The following DNAH11 variants were observed in gnomAD, a reference collection of about 807,000 sequenced individuals.
DNAH11 encodes dynein axonemal heavy chain 11, also known as axonemal beta dynein heavy chain 11.
A neutral mutation model predicts 526.0 loss-of-function variants in DNAH11; 442 were observed. The observed-to-expected ratio is 0.84, with a 90% CI of 0.78 to 0.91. The LOEUF is 0.91. DNAH11 is among the 40% of genes least tolerant of loss of function. The pLI is 0.00. For missense variants in DNAH11, 6,989 were observed against 5,448.7 expected (o/e 1.28, Z -8.90); for synonymous variants, 2,461 against 1,935.9 (o/e 1.27, Z -7.12).
At chr7:21,838,894 C>T (rs898143582) in intron 65 of DNAH11, among the ~76,000 whole-genome samples, 3 of 152,056 alleles carry the variant, frequency 2.0e-5, no homozygotes, top group Non-Finnish European at 4.4e-5. Flanking sequence ...CCACACCATG[C>T]TAATTTTAAG....
In DNAH11 at chr7:21,600,031, A is replaced by T; in HGVS notation, c.2912A>T (p.Asp971Val). Reference protein sequence around the residue: ...LDREAGDGFYDLVEEMLCNSF... With the variant: ...LDREAGDGFYVLVEEMLCNSF... ...AGAGAGGCTGGGGATGGCTTCTATGATCTTGTAGAAGAAATGTTATGCAAT... is the reference window on the plus strand; with the variant it reads ...AGAGAGGCTGGGGATGGCTTCTATGTTCTTGTAGAAGAAATGTTATGCAAT... Residue 971 changes from aspartate to valine, a missense_variant, in exon 15 of 82, where the codon GAT becomes GTT. Coordinates refer to ENST00000409508, the MANE Select transcript of DNAH11 (RefSeq NM_001277115.2). 3 of 1,612,248 alleles carry T rather than the reference A, an allele frequency of 1.9e-6. No individual in the cohort carries two copies. Among genetic ancestry groups the T allele is most frequent in the Non-Finnish European group, 2.5e-6 (3 of 1,178,918 alleles).
intron 80 of DNAH11, 35 bp downstream of exon 80, chr7:21,899,483 C>A: frequency 6.7e-7 from 1 of 1,496,868 alleles, no homozygotes; most frequent in Non-Finnish European, 9.3e-7. Context: ...CTGATGCACA[C>A]AGGACCACAG....
chr7:21,901,469 G>A lies in DNAH11; in HGVS notation c.*215G>A. 1.9e-6 allele frequency: 1 copy of A among 531,042 alleles called. No homozygotes were observed. The highest frequency in any genetic ancestry group is 2.8e-6 in the Non-Finnish European group (1 of 359,322). The allele number at this position is 531,042 out of a possible 1,614,324, so 32.9% of individuals were successfully genotyped here. On this transcript the variant is annotated 3_prime_UTR_variant, in exon 82 of 82. Coordinates refer to ENST00000409508, the MANE Select transcript of DNAH11 (RefSeq NM_001277115.2). ...ACACGACTGTAATCCCAGTTACTCAGGAGGTAGGAGAATCACTTGAACCTA... is the reference window on the plus strand; with the variant it reads ...ACACGACTGTAATCCCAGTTACTCAAGAGGTAGGAGAATCACTTGAACCTA...
At chr7:21,825,417 A>G (rs1168320610) in intron 65 of DNAH11, among the ~76,000 whole-genome samples, 1 of 152,214 alleles carries the variant, frequency 6.6e-6, no homozygotes, top group African/African-American at 2.4e-5. Flanking sequence ...CTTATGCACA[A>G]TCAACTTTAA....
intron 76 of DNAH11, among the ~76,000 whole-genome samples, chr7:21,887,987 A>G (rs189371317): frequency 4.5e-4 from 69 of 152,244 alleles, no homozygotes; most frequent in Non-Finnish European, 8.1e-4. Context: ...CACCAAAACA[A>G]TGACTCGTAT....
intron 74 of DNAH11, among the ~76,000 whole-genome samples, chr7:21,873,854 G>T (rs1268019647): frequency 7.9e-6 from 1 of 125,876 alleles, no homozygotes; most frequent in African/African-American, 3.0e-5. Flanking sequence ...GCAGTGGCAT[G>T]ATCTTGCCTC....
chr7:21,681,441 A>G (rs562479041), intron 30 of DNAH11, 105 bp from the exon 31 acceptor site: 14 of 1,271,298 alleles, frequency 1.1e-5, no homozygotes, highest in Admixed American at 2.6e-5. Flanking sequence ...AAAAAAAGAA[A>G]TTGTTTTGCA....
intron 62 of DNAH11, among the ~76,000 whole-genome samples, chr7:21,804,523 A>G (rs998678146): frequency 5.9e-5 from 9 of 152,050 alleles, no homozygotes; most frequent in East Asian, 1.9e-4. Context: ...CTCATAATTC[A>G]CCCTGCAAAT....
chr7:21,867,831 C>G (rs747411334), intron 71 of DNAH11, 28 bp from the exon 72 acceptor site: 2 of 1,492,872 alleles, frequency 1.3e-6, no homozygotes, highest in South Asian at 1.2e-5. Context: ...AACCACTGAT[C>G]ATGTTTTTAT....
Position 21,798,478 on chromosome 7 carries a change from G to T in DNAH11, c.10027-2659G>T, listed in dbSNP as rs541129005. The stretch of plus-strand genomic sequence containing the variant: ...TGTGATTTGACTGGGAAGCCTGGAA[G>T]TATTTACTCTGTCTCTTCACAACTG... On this transcript the variant is annotated intron_variant, in intron 61 of 81. Transcript: ENST00000409508. Among the ~76,000 whole-genome samples the T allele has an allele frequency of 1.4e-4, 21 of 152,324 alleles. No individual in the cohort carries two copies. The South Asian group carries it at 4.4e-3, about 32-fold the overall frequency.
intron 20 of DNAH11, among the ~76,000 whole-genome samples, chr7:21,612,554 C>CAAAAAAAAAAAAAAAAAAAA (rs34356379): frequency 1.2e-4 from 10 of 81,232 alleles, no homozygotes; most frequent in East Asian, 5.8e-4. Context: ...GGCTCCGTCT[C>CAAAAAAAAAAAAAAAAAAAA]AAAAAAAAAA....
At chr7:21,726,084 C>T (rs901581987) in intron 45 of DNAH11, 100 bp downstream of exon 45, 1 of 1,194,330 alleles carries the variant, frequency 8.4e-7, no homozygotes, top group Admixed American at 3.3e-5. Context: ...GTTTAATTGG[C>T]TCATGATTCC....
intron 14 of DNAH11, among the ~76,000 whole-genome samples, chr7:21,599,323 A>G (rs1784983432): frequency 6.6e-6 from 1 of 152,254 alleles, no homozygotes; most frequent in Admixed American, 6.5e-5. Context: ...CAAGAATGGC[A>G]TAGAGTACAT....
At chr7:21,719,496 C>A (rs1371760445) in intron 43 of DNAH11, among the ~76,000 whole-genome samples, 1 of 152,150 alleles carries the variant, frequency 6.6e-6, no homozygotes, top group Admixed American at 6.5e-5. Context: ...ACGTTGAGAC[C>A]CTTCAGTCTT....
rs554303904 is a variant in DNAH11, at chr7:21,872,184, C to G, written c.11968-1090C>G. ...TGACCACATTTAGCTTCAATTATCTCCTTAAAGACCCTATTTCCAAATACA... is the reference window on the plus strand; with the variant it reads ...TGACCACATTTAGCTTCAATTATCTGCTTAAAGACCCTATTTCCAAATACA... On this transcript the variant is annotated intron_variant, in intron 73 of 81. Coordinates refer to ENST00000409508, the MANE Select transcript of DNAH11 (RefSeq NM_001277115.2). Among the ~76,000 whole-genome samples, 3 of 144,782 alleles carry G rather than the reference C, an allele frequency of 2.1e-5. No individual in the cohort carries two copies. In the South Asian group the frequency reaches 6.6e-4, roughly 32 times the overall value. The allele number at this position is 144,782 out of a possible 152,430, so 95.0% of individuals were successfully genotyped here.
intron 54 of DNAH11, among the ~76,000 whole-genome samples, chr7:21,764,298 G>A (rs1258170627): frequency 1.3e-5 from 2 of 152,032 alleles, no homozygotes; most frequent in Admixed American, 1.3e-4. Flanking sequence ...AGATATGGGT[G>A]CACGTATGCT....
chr7:21,755,101 A>G (rs1288681534), intron 54 of DNAH11, among the ~76,000 whole-genome samples: 2 of 152,168 alleles, frequency 1.3e-5, no homozygotes, highest in Non-Finnish European at 2.9e-5. Context: ...TTGCCACCCC[A>G]TTACCCATGC....
intron 25 of DNAH11, among the ~76,000 whole-genome samples, chr7:21,625,566 T>G (rs758549885): frequency 2.6e-5 from 4 of 152,136 alleles, no homozygotes; most frequent in African/African-American, 4.8e-5. Context: ...TTGTTCTTCT[T>G]TTTCTAGTTC....
chr7:21,586,646 G>A (rs1036548437), intron 9 of DNAH11, among the ~76,000 whole-genome samples: 6 of 152,076 alleles, frequency 3.9e-5, no homozygotes, highest in Admixed American at 1.3e-4. Flanking sequence ...AAGTTTTAGG[G>A]AATACCTGTT....
Sources: gnomAD v4.1 joint callset for allele counts (sites outside exome capture counted in the v4.1 genomes callset) on GRCh38, gnomAD v4.1.1 for gene constraint, MANE v1.5 for transcripts, NCBI Gene and HGNC (gene_info 2026-07-23, HGNC 2026-07-21) for gene names.